Variants in E2F6 observed in about 807,000 individuals in gnomAD.
The protein encoded by E2F6 is E2F transcription factor 6.
E2F6 carries 19 observed loss-of-function variants against 31.5 expected under a neutral mutation model. The ratio of observed to expected loss-of-function variants is 0.60; its 90% confidence interval spans 0.42 to 0.89. E2F6 has a LOEUF of 0.89. E2F6 is among the 40% of genes least tolerant of loss of function. The probability of loss-of-function intolerance (pLI) is 0.00; values close to 1 mark genes in which losing one functional copy is unlikely to be tolerated. For missense variants in E2F6, 269 were observed against 341.6 expected (o/e 0.79, Z 1.67); for synonymous variants, 121 against 127.7 (o/e 0.95, Z 0.36).
chr2:11,447,834 C>G, intron 5 of E2F6, 60 bp from the exon 6 acceptor site: 1 of 1,555,608 alleles, frequency 6.4e-7, no homozygotes, highest in Non-Finnish European at 8.7e-7. Flanking sequence ...TTTTTTCACT[C>G]ACTAGAACTG....
chr2:11,464,768 GAAT>G (rs1284991706), intron 1 of E2F6, among the ~76,000 whole-genome samples: 8 of 152,080 alleles, frequency 5.3e-5, no homozygotes, highest in Non-Finnish European at 1.2e-4. Flanking sequence ...CGTGAAACAA[GAAT>G]AATAATCTTT....
In E2F6 at chr2:11,447,672, C is replaced by T. The variant is rs770887484; in HGVS notation, c.754G>A (p.Gly252Arg). Reference sequence around the variant, plus strand: ...TGAGTGCTCTCAGATGAAGAGGTCCCGACACCTTCAGACCTTTTGTTACTG... The same window carrying T: ...TGAGTGCTCTCAGATGAAGAGGTCCTGACACCTTCAGACCTTTTGTTACTG... ...QTSNKRSEGVGTSSSESTHPE... is the reference protein window; with the variant it reads ...QTSNKRSEGVRTSSSESTHPE... Residue 252 changes from glycine to arginine, a missense_variant, in exon 6 of 7, where the codon GGG becomes AGG. Transcript: ENST00000381525. 5.8e-5 allele frequency: 94 copies of T among 1,611,854 alleles called. No homozygotes were observed. The highest frequency in any genetic ancestry group is 1.2e-4 in the African/African-American group (9 of 74,808).
Position 11,450,119 on chromosome 2 carries a change from A to G in E2F6, c.544T>C (p.Tyr182His). 1.2e-6 allele frequency: 2 copies of G among 1,608,494 alleles called. No individual in the cohort carries two copies. The highest frequency in any genetic ancestry group is 1.7e-6 in the Non-Finnish European group (2 of 1,175,768). The change falls in exon 5 of 7, where the codon TAT becomes CAT. Residue 182 changes from tyrosine to histidine, a missense_variant. By Grantham distance (83) the Tyr-to-His change is moderately conservative. Coordinates refer to ENST00000381525, the MANE Select transcript of E2F6 (RefSeq NM_198256.4). ...CTATGAATGTCTTGATAGGTCACAT[A>G]TGCTAGTGTAAAACTCAGTCAAGGA... ...TDDKENERLAYVTYQDIHSIQ... is the reference protein window; with the variant it reads ...TDDKENERLAHVTYQDIHSIQ...
At chr2:11,458,791 C>T (rs959783786) in intron 1 of E2F6, among the ~76,000 whole-genome samples, 1 of 152,136 alleles carries the variant, frequency 6.6e-6, no homozygotes, top group African/African-American at 2.4e-5. Context: ...GGAATACTCC[C>T]ATTGAGACAG....
At chr2:11,446,544 G>A (rs1202162855) in intron 6 of E2F6, 21 bp from the exon 7 acceptor site, 2 of 1,609,296 alleles carry the variant, frequency 1.2e-6, no homozygotes, top group Non-Finnish European at 1.7e-6. Flanking sequence ...ACACGAGAGA[G>A]AAATACACCT....
rs1269544618 is a variant in E2F6, at chr2:11,446,062, A to T, written c.*415T>A. Reference sequence around the variant, plus strand: ...ACATCACATTTAAATTCGTGTGTACATCTATGCAATGTACAACAGTAACTG... The same window carrying T: ...ACATCACATTTAAATTCGTGTGTACTTCTATGCAATGTACAACAGTAACTG... On this transcript the variant is annotated 3_prime_UTR_variant, in exon 7 of 7. Coordinates refer to ENST00000381525, the MANE Select transcript of E2F6 (RefSeq NM_198256.4). 1 of 168,936 alleles carries T rather than the reference A, an allele frequency of 5.9e-6. No individual in the cohort carries two copies. Among genetic ancestry groups the T allele is most frequent in the Non-Finnish European group, 1.3e-5 (1 of 79,050 alleles). 10.5% of individuals were successfully genotyped at this position (168,936 alleles called of 1,614,324 possible).
intron 5 of E2F6, among the ~76,000 whole-genome samples, chr2:11,449,644 C>G (rs1670935874): frequency 6.6e-6 from 1 of 152,194 alleles, no homozygotes; most frequent in Non-Finnish European, 1.5e-5. Flanking sequence ...TTCCCCAGTG[C>G]CTTGGCTGAC....
chr2:11,446,794 C>A (rs141384274), intron 6 of E2F6, among the ~76,000 whole-genome samples: 1 of 152,214 alleles, frequency 6.6e-6, no homozygotes, highest in Non-Finnish European at 1.5e-5. Context: ...CTTTTGGAGC[C>A]GTCACGACTC....
intron 2 of E2F6, chr2:11,456,870 T>C: frequency 3.2e-6 from 1 of 315,128 alleles, no homozygotes; most frequent in South Asian, 3.6e-5. Flanking sequence ...TCCTATCGCC[T>C]CTAACAGATA....
At chr2:11,459,620 C>T (rs1347230321) in intron 1 of E2F6, among the ~76,000 whole-genome samples, 1 of 151,962 alleles carries the variant, frequency 6.6e-6, no homozygotes, top group Non-Finnish European at 1.5e-5. Context: ...TGGCTCATGC[C>T]TGTAATCCCA....
chr2:11,453,527 A>C, intron 3 of E2F6, 55 bp downstream of exon 3: 3 of 1,506,690 alleles, frequency 2.0e-6, no homozygotes, highest in Non-Finnish European at 2.8e-6. Context: ...TAAGCATGGA[A>C]TTGTCACTTG....
At chr2:11,451,436 G>A (rs996729985) in intron 4 of E2F6, 4 of 318,136 alleles carry the variant, frequency 1.3e-5, no homozygotes, top group Admixed American at 5.3e-5. Flanking sequence ...CAGCAACCTC[G>A]GCCTCCCAGA....
Position 11,447,642 on chromosome 2 carries a change from C to A in E2F6, c.784G>T (p.Glu262Ter). Reference protein sequence around the residue: ...GTSSSESTHPEGPEEEENPQQ... With the variant: ...GTSSSESTHP ...GTATATTTACCTTCCTCAGGGCCTTCTGGATGAGTGCTCTCAGATGAAGAG... is the reference window on the plus strand; with the variant it reads ...GTATATTTACCTTCCTCAGGGCCTTATGGATGAGTGCTCTCAGATGAAGAG... The change falls in exon 6 of 7, where the codon GAA (glutamate) becomes TAA (stop). Residue 262 changes from glutamate (E) to a stop codon, truncating the protein, a stop_gained. Coordinates refer to ENST00000381525, the MANE Select transcript of E2F6 (RefSeq NM_198256.4). LOFTEE classifies it low-confidence loss of function (END_TRUNC). The A allele has an allele frequency of 6.2e-7, 1 of 1,611,926 alleles. No homozygotes were observed. The highest frequency in any genetic ancestry group is 1.1e-5 in the South Asian group (1 of 90,970).
intron 2 of E2F6, among the ~76,000 whole-genome samples, chr2:11,456,151 G>A (rs895003411): frequency 6.6e-6 from 1 of 152,194 alleles, no homozygotes; most frequent in African/African-American, 2.4e-5. Context: ...CTACTGCCTT[G>A]TTTCTTTTAA....
chr2:11,463,764 C>A, intron 1 of E2F6, among the ~76,000 whole-genome samples: 1 of 152,056 alleles, frequency 6.6e-6, no homozygotes, highest in East Asian at 1.9e-4. Flanking sequence ...CCAGCCTGGG[C>A]CCCATAGGAA....
intron 1 of E2F6, among the ~76,000 whole-genome samples, chr2:11,464,861 C>A (rs1672038089): frequency 6.6e-6 from 1 of 151,984 alleles, no homozygotes; most frequent in South Asian, 2.1e-4. Flanking sequence ...GGGAACCAGG[C>A]ATAATGACTT....
chr2:11,454,070 G>C (rs1671241667), intron 2 of E2F6, among the ~76,000 whole-genome samples: 1 of 152,202 alleles, frequency 6.6e-6, no homozygotes, highest in African/African-American at 2.4e-5. Context: ...ACTTTCACAA[G>C]TCTACTGTAT....
chr2:11,465,178 C>CAAAAAAAA (rs59561027), intron 1 of E2F6, among the ~76,000 whole-genome samples: 19 of 88,552 alleles, frequency 2.1e-4, no homozygotes, highest in Admixed American at 4.2e-4. Flanking sequence ...AACTCAATCT[C>CAAAAAAAA]AAAAAAAAAA....
chr2:11,464,313 G>A (rs1671990211), intron 1 of E2F6, among the ~76,000 whole-genome samples: 1 of 151,868 alleles, frequency 6.6e-6, no homozygotes, highest in African/African-American at 2.4e-5. Flanking sequence ...AGGAGATTGA[G>A]ACCATCCTGG....
Sources: gnomAD v4.1 joint callset for allele counts (sites outside exome capture counted in the v4.1 genomes callset) on GRCh38, gnomAD v4.1.1 for gene constraint, MANE v1.5 for transcripts, NCBI Gene and HGNC (gene_info 2026-07-23, HGNC 2026-07-21) for gene names.